SRA1: variants seen among roughly 807,000 people sequenced by gnomAD.
SRA1 encodes steroid receptor RNA activator 1.
In SRA1, 25 loss-of-function variants were observed where a neutral mutation model predicts 24.3. The ratio of observed to expected loss-of-function variants is 1.03; its 90% CI spans 0.75 to 1.43. The LOEUF (loss-of-function observed/expected upper bound fraction) is 1.43. Among genes scored for constraint, SRA1 ranks in the 40% most tolerant of loss-of-function variants. The pLI, the probability that SRA1 is intolerant of heterozygous loss-of-function variation, is 0.00. For missense variants in SRA1, 303 were observed against 286.6 expected (o/e 1.06, Z -0.41); for synonymous variants, 104 against 109.5 (o/e 0.95, Z 0.31).
chr5:140,552,494 A>T (rs1487742983), intron 2 of SRA1, among the ~76,000 whole-genome samples: 1 of 152,210 alleles, frequency 6.6e-6, no homozygotes, highest in Non-Finnish European at 1.5e-5. Flanking sequence ...CTCTACTAAA[A>T]ATACAAAAAT....
In SRA1 at chr5:140,550,531, T is replaced by G. The variant is rs1754516846; in HGVS notation, c.*169A>C. The G allele has an allele frequency of 3.1e-6, 2 of 653,844 alleles. No individual in the cohort carries two copies. The highest frequency in any genetic ancestry group is 2.8e-5 in the Admixed American group (1 of 35,780). 40.5% of individuals were successfully genotyped at this position (653,844 alleles called of 1,614,324 possible). On this transcript the variant is annotated 3_prime_UTR_variant, in exon 5 of 5. Transcript: ENST00000336283. ...CACCGCAGAGATGTTTTTATTGAAA[T>G]GCATGTTATGAGTAACACATGAACT...
chr5:140,558,067 C>T (rs1306294808), upstream of SRA1: 1 of 179,044 alleles, frequency 5.6e-6, no homozygotes, highest in Non-Finnish European at 1.2e-5. Context: ...TATTTTATTA[C>T]ATTCCCAGTG....
intron 2 of SRA1, among the ~76,000 whole-genome samples, chr5:140,552,408 T>C (rs548056989): frequency 5.3e-5 from 8 of 152,190 alleles, no homozygotes; most frequent in African/African-American, 1.7e-4. Context: ...ATCCCAGCAC[T>C]TTGGGAGGCT....
rs1381084617 is a variant in SRA1, at chr5:140,552,202, G to A, written c.152-18C>T. The stretch of plus-strand genomic sequence containing the variant: ...TGCGGGGACTGAAAAGGTACAGCAG[G>A]ATCAAGCAACATGGCTTAAATGGGT... On this transcript the variant is annotated intron_variant, in intron 2 of 4. Transcript: ENST00000336283. The A allele has an allele frequency of 1.3e-6, 2 of 1,541,094 alleles. No individual in the cohort carries two copies. Among genetic ancestry groups the A allele is most frequent in the East Asian group, 2.4e-5 (1 of 42,314 alleles).
Position 140,551,086 on chromosome 5 carries a change from C to G in SRA1, c.438G>C (p.Lys146Asn). ...WAGGKLSIPV[K>N]KRMALLVQEL... ...CTTGCACCAGTAGAGCCATTCTCTTCTTTACAGGTATTGACAACTTTCCTC... is the reference window on the plus strand; with the variant it reads ...CTTGCACCAGTAGAGCCATTCTCTTGTTTACAGGTATTGACAACTTTCCTC... Residue 146 changes from lysine to asparagine, a missense_variant, in exon 4 of 5, where the codon AAG becomes AAC. By Grantham distance (94) the Lys-to-Asn change is moderately conservative (BLOSUM62 0). Transcript: ENST00000336283. 1 of 1,614,178 alleles carries G rather than the reference C, an allele frequency of 6.2e-7. No homozygotes were observed. The highest frequency in any genetic ancestry group is 8.5e-7 in the Non-Finnish European group (1 of 1,179,982).
chr5:140,555,895 A>C (rs1323216365), intron 2 of SRA1, among the ~76,000 whole-genome samples: 1 of 152,180 alleles, frequency 6.6e-6, no homozygotes, highest in Non-Finnish European at 1.5e-5. Context: ...CCCTTATGCA[A>C]ATCATTAAAT....
intron 2 of SRA1, 55 bp downstream of exon 2, chr5:140,557,092 T>G: frequency 8.3e-7 from 1 of 1,198,086 alleles, no homozygotes; most frequent in Non-Finnish European, 1.1e-6. Flanking sequence ...GCTTATGCCT[T>G]ACACCCCCCC....
chr5:140,550,528 A>C lies in SRA1; in HGVS notation c.*172T>G. ...GCCCACCGCAGAGATGTTTTTATTG[A>C]AATGCATGTTATGAGTAACACATGA... On this transcript the variant is annotated 3_prime_UTR_variant, in exon 5 of 5. Transcript: ENST00000336283. 1.5e-6 allele frequency: 1 copy of C among 649,850 alleles called. No homozygotes were observed. The highest frequency in any genetic ancestry group is 1.9e-5 in the South Asian group (1 of 53,134). The allele number at this position is 649,850 out of a possible 1,614,324, so 40.3% of individuals were successfully genotyped here. A position where few individuals can be genotyped will look rare whatever the true frequency, so the allele number is the denominator to read the frequency against.
At position 140,550,832 on chromosome 5, in the gene SRA1, C is replaced by G. The variant is rs1436901627; in HGVS notation, c.543G>C (p.Gln181His). The G allele has an allele frequency of 2.5e-6, 4 of 1,614,080 alleles. No individual in the cohort carries two copies. The Admixed American group carries it at 6.7e-5, about 27-fold the overall frequency. The stretch of plus-strand genomic sequence containing the variant: ...TTAATCTTTTAACTCCTACCATCCA[C>G]TGACTGACCTCAGTCACATGGTCAA... Reference protein sequence around the residue: ...LMVDHVTEVSQWMVGVKRLIA... With the variant: ...LMVDHVTEVSHWMVGVKRLIA... The change falls in exon 5 of 5, where the codon CAG becomes CAC. Residue 181 changes from glutamine to histidine, a missense_variant. Physicochemically the swap from Gln to His is conservative, Grantham distance 24. Transcript: ENST00000336283.
intron 3 of SRA1, 90 bp downstream of exon 3, chr5:140,551,892 C>A: frequency 8.5e-7 from 1 of 1,181,210 alleles, no homozygotes; most frequent in Non-Finnish European, 1.2e-6. Flanking sequence ...AGAACCTGTC[C>A]ACTGGGTCAG....
rs528178965 is a variant in SRA1, at chr5:140,553,995, T to G, written c.152-1811A>C. Among the ~76,000 whole-genome samples the G allele has an allele frequency of 2.6e-5, 4 of 152,220 alleles. No individual in the cohort carries two copies. In the South Asian group the frequency reaches 8.3e-4, roughly 32 times the overall value. ...ACCAACATCCACAAGGATGATTAAT[T>G]CATCTAATAATTTGGTGTTTCAGTT... On this transcript the variant is annotated intron_variant, in intron 2 of 4. Transcript: ENST00000336283.
At chr5:140,551,230 G>T in intron 3 of SRA1, 61 bp from the exon 4 acceptor site, 1 of 1,336,630 alleles carries the variant, frequency 7.5e-7, no homozygotes, top group Non-Finnish European at 1.1e-6. Flanking sequence ...GAGGAGAGGG[G>T]AAGACAGCAC....
At chr5:140,556,906 G>A (rs1378271540) in intron 2 of SRA1, among the ~76,000 whole-genome samples, 2 of 152,080 alleles carry the variant, frequency 1.3e-5, no homozygotes, top group Non-Finnish European at 2.9e-5. Context: ...AAAAGCCACA[G>A]GTCTGGATAA....
Position 140,557,253 on chromosome 5 carries a change from C to G in SRA1, c.45G>C (p.Trp15Cys). Residue 15 changes from tryptophan to cysteine, a missense_variant, in exon 2 of 5, where the codon TGG (tryptophan) becomes TGC (cysteine). Coordinates refer to ENST00000336283, the MANE Select transcript of SRA1 (RefSeq NM_001035235.4). ...YVKPGNKERG[W>C]NDPPQFSYGL... ...CGTATGAGAACTGCGGCGGGTCGTT[C>G]CAGCCGCGTTCCTTGTTGCCTGCGG... 6.2e-7 allele frequency: 1 copy of G among 1,612,294 alleles called. No individual in the cohort carries two copies. Among genetic ancestry groups the G allele is most frequent in the African/African-American group, 1.3e-5 (1 of 75,038 alleles).
At chr5:140,551,620 A>C (rs943831855) in intron 3 of SRA1, 5 of 218,392 alleles carry the variant, frequency 2.3e-5, no homozygotes, top group Non-Finnish European at 4.5e-5. Context: ...AGAAAACACT[A>C]TAGCTAGAAG....
In SRA1 at chr5:140,551,123, TC is replaced by T. The variant is rs868486143; in HGVS notation, c.400del (p.Glu134AsnfsTer12). On this transcript the variant is annotated frameshift_variant, in exon 4 of 5. Transcript: ENST00000336283. LOFTEE classifies it high-confidence loss of function. ...DISRRLALLQ[E>X]QWAGGKLSIP... ...TGACAACTTTCCTCCAGCCCACTGT[TC>T]CTGCAGCAGTGCCAGGCGTCGGCTG... is the stretch of plus-strand genomic sequence containing the variant. The T allele has an allele frequency of 1.9e-6, 3 of 1,614,210 alleles. No individual in the cohort carries two copies. Among genetic ancestry groups the T allele is most frequent in the South Asian group, 1.1e-5 (1 of 91,086 alleles).
In SRA1 at chr5:140,551,106, TTCC is replaced by T; in HGVS notation, c.415_417del (p.Gly139del). 1 of 1,614,154 alleles carries T rather than the reference TTCC, an allele frequency of 6.2e-7. No homozygotes were observed. The highest frequency in any genetic ancestry group is 8.5e-7 in the Non-Finnish European group (1 of 1,180,016). ...CTCTTCTTTACAGGTATTGACAACT[TTCC>T]TCCAGCCCACTGTTCCTGCAGCAGT... On this transcript the variant is annotated inframe_deletion, in exon 4 of 5. Transcript: ENST00000336283.
chr5:140,551,120 T>G lies in SRA1; in HGVS notation c.404A>C (p.Gln135Pro), dbSNP rs745637128. The change falls in exon 4 of 5, where the codon CAG (glutamine) becomes CCG (proline). Residue 135 changes from glutamine (Q) to proline (P), a missense_variant. Transcript: ENST00000336283. ...ISRRLALLQE[Q>P]WAGGKLSIPV... Reference sequence around the variant, plus strand: ...TATTGACAACTTTCCTCCAGCCCACTGTTCCTGCAGCAGTGCCAGGCGTCG... The same window carrying G: ...TATTGACAACTTTCCTCCAGCCCACGGTTCCTGCAGCAGTGCCAGGCGTCG... 1.2e-5 allele frequency: 19 copies of G among 1,614,216 alleles called. No individual in the cohort carries two copies. The Admixed American group carries it at 3.0e-4, about 25-fold the overall frequency.
At chr5:140,553,441 G>A (rs561683344) in intron 2 of SRA1, among the ~76,000 whole-genome samples, 2 of 152,322 alleles carry the variant, frequency 1.3e-5, no homozygotes, top group African/African-American at 2.4e-5. Context: ...GTACTAGGTC[G>A]AGGTTAGAGC....
Sources: allele counts gnomAD v4.1 joint callset (sites outside exome capture counted in the v4.1 genomes callset), GRCh38; gene constraint gnomAD v4.1.1; transcripts MANE v1.5; gene names NCBI Gene and HGNC (gene_info 2026-07-23, HGNC 2026-07-21).